The following NDUFA12 variants were observed in gnomAD, a reference collection of about 807,000 sequenced individuals.
NDUFA12 encodes the protein NADH dehydrogenase [ubiquinone] 1 alpha subcomplex subunit 12.
Under a neutral mutation model 20.3 loss-of-function variants are expected in NDUFA12, and 17 were observed. The observed-to-expected ratio is 0.84, with a 90% CI of 0.57 to 1.26. NDUFA12 has a LOEUF of 1.26. Among genes scored for constraint, NDUFA12 ranks in the 50% most tolerant of loss-of-function variants. The probability of loss-of-function intolerance (pLI) is 0.00; values close to 1 mark genes in which losing one functional copy is unlikely to be tolerated. For missense variants in NDUFA12, 191 were observed against 183.7 expected (o/e 1.04, Z -0.23); for synonymous variants, 72 against 63.6 (o/e 1.13, Z -0.63).
At chr12:94,981,205 G>A (rs6538584) in intron 3 of NDUFA12, among the ~76,000 whole-genome samples, 132,356 of 152,218 alleles carry the variant, frequency 0.87, 57,644 homozygotes, top group Admixed American at 0.9. Context: ...CAAGGCAGGT[G>A]GATAGCTTGA....
At chr12:95,002,949 G>T in intron 1 of NDUFA12, 128 bp from the exon 2 acceptor site, 10 of 782,722 alleles carry the variant, frequency 1.3e-5, no homozygotes, top group Non-Finnish European at 2.3e-5. Flanking sequence ...ATGAAGAAGT[G>T]CTGGGGATGG....
intron 3 of NDUFA12, among the ~76,000 whole-genome samples, chr12:94,975,771 A>G (rs1874045695): frequency 1.3e-5 from 2 of 152,322 alleles, no homozygotes; most frequent in Non-Finnish European, 2.9e-5. Flanking sequence ...TATTTTGGCC[A>G]GGTATGGTGC....
chr12:94,994,605 A>T (rs908125851), intron 2 of NDUFA12, among the ~76,000 whole-genome samples: 3 of 152,242 alleles, frequency 2.0e-5, no homozygotes, highest in Non-Finnish European at 4.4e-5. Context: ...TATTCAGAAA[A>T]GAAGGTGTTC....
In NDUFA12 at chr12:94,994,184, C is replaced by T. The variant is rs374990036; in HGVS notation, c.243G>A (p.Met81Ile). Residue 81 changes from methionine to isoleucine, a missense_variant, in exon 3 of 4, where the codon ATG (methionine) becomes ATA (isoleucine). Physicochemically the swap from Met to Ile is conservative, Grantham distance 10. Coordinates refer to ENST00000327772, the MANE Select transcript of NDUFA12 (RefSeq NM_018838.5). The part of the protein sequence containing the change: ...KNTFWDVDGS[M>I]VPPEWHRWLH... ...TCTTAGCTTACCATTCAGGAGGCAC[C>T]ATGCTTCCATCCACATCCCAGAATG... The T allele has an allele frequency of 4.8e-5, 78 of 1,613,772 alleles. No homozygotes were observed. Among genetic ancestry groups the T allele is most frequent in the Non-Finnish European group, 6.2e-5 (73 of 1,179,820 alleles).
intron 3 of NDUFA12, among the ~76,000 whole-genome samples, chr12:94,986,320 G>A (rs1357067602): frequency 6.6e-6 from 1 of 152,006 alleles, no homozygotes; most frequent in Admixed American, 6.6e-5. Flanking sequence ...TAAGAAAGAG[G>A]AGATGTTGAT....
chr12:94,972,563 T>C (rs902104639), intron 3 of NDUFA12: 12 of 400,468 alleles, frequency 3.0e-5, no homozygotes, highest in Admixed American at 2.1e-4. Context: ...CAACTTGTTA[T>C]ATTAAAAAAT....
chr12:94,998,929 A>G (rs941068205), intron 2 of NDUFA12, among the ~76,000 whole-genome samples: 13 of 152,220 alleles, frequency 8.5e-5, no homozygotes, highest in Non-Finnish European at 1.9e-4. Context: ...TACAGATTCA[A>G]TGTAATTTCC....
intron 3 of NDUFA12, among the ~76,000 whole-genome samples, chr12:94,973,968 C>CT (rs35862087): frequency 0.015 from 1,558 of 100,908 alleles, 35 homozygotes; most frequent in African/African-American, 0.03. Context: ...ACTCTTGGGT[C>CT]TTTTTTTTTT....
rs1267357312 is a variant in NDUFA12 at position 94,971,493 on chromosome 12, T to C, written c.385A>G (p.Thr129Ala). Residue 129 changes from threonine (T) to alanine (A), a missense_variant, in exon 4 of 4, where the codon ACC becomes GCC. Coordinates refer to ENST00000327772, the MANE Select transcript of NDUFA12 (RefSeq NM_018838.5). ...GTPEQYVPYS[T>A]TRKKIQEWIP... ...CACTCCTGAATCTTCTTTCTAGTGGTAGAATAAGGTACATATTGTTCTGGG... is the reference window on the plus strand; with the variant it reads ...CACTCCTGAATCTTCTTTCTAGTGGCAGAATAAGGTACATATTGTTCTGGG... The C allele has an allele frequency of 1.2e-6, 2 of 1,614,122 alleles. No homozygotes were observed. The highest frequency in any genetic ancestry group is 8.5e-7 in the Non-Finnish European group (1 of 1,180,038).
intron 2 of NDUFA12, among the ~76,000 whole-genome samples, chr12:94,995,379 G>A (rs1439588948): frequency 2.0e-5 from 3 of 152,152 alleles, no homozygotes; most frequent in Admixed American, 2.0e-4. Context: ...CCTTGGGAAA[G>A]GTTTCATAAG....
intron 3 of NDUFA12, chr12:94,972,602 G>A: frequency 2.9e-6 from 1 of 347,336 alleles, no homozygotes; most frequent in Non-Finnish European, 6.1e-6. Context: ...AGTGGCTCAT[G>A]TCTATAATCC....
chr12:94,993,823 A>G (rs1853592173), intron 3 of NDUFA12, among the ~76,000 whole-genome samples: 1 of 151,796 alleles, frequency 6.6e-6, no homozygotes, highest in Non-Finnish European at 1.5e-5. Context: ...AGTCCCAGCT[A>G]CTCGGGAGGC....
intron 3 of NDUFA12, among the ~76,000 whole-genome samples, chr12:94,977,360 T>A (rs1874091065): frequency 6.6e-6 from 1 of 152,036 alleles, no homozygotes. Context: ...TACTCCCAGC[T>A]ACTCAGGAAG....
intron 2 of NDUFA12, among the ~76,000 whole-genome samples, chr12:94,998,813 A>G (rs1874923743): frequency 6.6e-6 from 1 of 152,202 alleles, no homozygotes; most frequent in South Asian, 2.1e-4. Context: ...ACTAAAAAAC[A>G]CTGCTGAAAG....
chr12:94,995,892 A>G lies in NDUFA12; in HGVS notation c.170-1635T>C, dbSNP rs1259947050. Among the ~76,000 whole-genome samples the G allele has an allele frequency of 2.8e-5, 4 of 144,644 alleles. No homozygotes were observed. In the South Asian group the frequency reaches 6.8e-4, roughly 25 times the overall value. 94.9% of individuals were successfully genotyped at this position (144,644 alleles called of 152,430 possible). A position where few individuals can be genotyped will look rare whatever the true frequency, so the allele number is the denominator to read the frequency against. On this transcript the variant is annotated intron_variant, in intron 2 of 3. Coordinates refer to ENST00000327772, the MANE Select transcript of NDUFA12 (RefSeq NM_018838.5). ...GAATGTTGTGTTGCTATTTTTAAAA[A>G]TGCTGTGCATTTTTTTTTTTTAATA...
intron 2 of NDUFA12, among the ~76,000 whole-genome samples, chr12:94,998,805 T>TA (rs765941312): frequency 7.2e-5 from 11 of 151,982 alleles, no homozygotes; most frequent in Non-Finnish European, 1.6e-4. Context: ...CAAGGAAAAC[T>TA]AAAAAACACT....
intron 3 of NDUFA12, among the ~76,000 whole-genome samples, chr12:94,979,300 G>C (rs1874160074): frequency 6.6e-6 from 1 of 152,104 alleles, no homozygotes; most frequent in African/African-American, 2.4e-5. Context: ...AATAGTTGTT[G>C]AATCAGTGAA....
chr12:95,002,693 T>A (rs765987334), intron 2 of NDUFA12, 46 bp downstream of exon 2: 2 of 1,393,604 alleles, frequency 1.4e-6, no homozygotes, highest in Non-Finnish European at 1.0e-6. Context: ...TCAAATCAAA[T>A]CCCAATCCCA....
intron 2 of NDUFA12, among the ~76,000 whole-genome samples, chr12:95,002,181 C>T (rs1179312986): frequency 6.6e-6 from 1 of 151,338 alleles, no homozygotes; most frequent in Non-Finnish European, 1.5e-5. Context: ...GTGGCTCACG[C>T]CTGTAATCCC....
Sources: allele counts gnomAD v4.1 joint callset (sites outside exome capture counted in the v4.1 genomes callset), GRCh38; gene constraint gnomAD v4.1.1; transcripts MANE v1.5; gene names NCBI Gene and HGNC (gene_info 2026-07-23, HGNC 2026-07-21).